ATP8A2: variants seen among roughly 807,000 people sequenced by gnomAD.
ATP8A2 encodes ATPase phospholipid transporting 8A2, also known as phospholipid-transporting ATPase IB.
A neutral mutation model predicts 165.6 loss-of-function variants in ATP8A2; 100 were observed. The observed-to-expected ratio is 0.60, with a 90% CI of 0.51 to 0.71. ATP8A2 has a LOEUF of 0.71. Among genes scored for constraint, ATP8A2 ranks in the 30% least tolerant of loss-of-function variants. ATP8A2 has a pLI of 0.00. For missense variants in ATP8A2, 1,227 were observed against 1,479.5 expected (o/e 0.83, Z 2.80); for synonymous variants, 543 against 548.8 (o/e 0.99, Z 0.15).
intron 27 of ATP8A2, among the ~76,000 whole-genome samples, chr13:25,827,139 T>C (rs777556696): frequency 6.6e-6 from 1 of 152,184 alleles, no homozygotes; most frequent in Non-Finnish European, 1.5e-5. Context: ...GATGAAATCT[T>C]GCTCTTGTCG....
intron 35 of ATP8A2, among the ~76,000 whole-genome samples, chr13:26,003,512 A>G (rs1201118816): frequency 1.3e-5 from 2 of 152,178 alleles, no homozygotes; most frequent in Admixed American, 6.5e-5. Flanking sequence ...TTTGCTGTGC[A>G]GAAGCTCTAT....
At chr13:25,755,553 A>C (rs1278458262) in intron 25 of ATP8A2, among the ~76,000 whole-genome samples, 1 of 152,230 alleles carries the variant, frequency 6.6e-6, no homozygotes, top group Admixed American at 6.5e-5. Flanking sequence ...TGTGTTATTC[A>C]TATTCAGTGA....
At chr13:25,844,465 G>A (rs1407494068) in intron 30 of ATP8A2, among the ~76,000 whole-genome samples, 1 of 152,042 alleles carries the variant, frequency 6.6e-6, no homozygotes, top group African/African-American at 2.4e-5. Context: ...TCCTGACCTC[G>A]TGATCTGCCC....
At chr13:25,629,742 T>A (rs2041191378) in intron 24 of ATP8A2, among the ~76,000 whole-genome samples, 1 of 152,302 alleles carries the variant, frequency 6.6e-6, no homozygotes, top group East Asian at 1.9e-4. Flanking sequence ...TTTTACTGTG[T>A]TAGATCAGCG....
chr13:25,684,165 C>T (rs971876644), intron 24 of ATP8A2, among the ~76,000 whole-genome samples: 2 of 152,192 alleles, frequency 1.3e-5, no homozygotes, highest in African/African-American at 4.8e-5. Flanking sequence ...TGACGTTGAT[C>T]TTATTGACTG....
intron 24 of ATP8A2, among the ~76,000 whole-genome samples, chr13:25,652,690 C>T (rs1396631584): frequency 2.0e-5 from 3 of 152,130 alleles, no homozygotes; most frequent in African/African-American, 4.8e-5. Flanking sequence ...GTGAGAAATA[C>T]GTAATTTCCT....
At chr13:25,767,760 T>A (rs2044521718) in intron 25 of ATP8A2, among the ~76,000 whole-genome samples, 1 of 152,234 alleles carries the variant, frequency 6.6e-6, no homozygotes, top group African/African-American at 2.4e-5. Context: ...ATTATGTTTT[T>A]CTAACTTTCT....
chr13:25,586,235 G>A (rs943768451), intron 23 of ATP8A2, among the ~76,000 whole-genome samples: 1 of 152,200 alleles, frequency 6.6e-6, no homozygotes, highest in African/African-American at 2.4e-5. Context: ...TTTCTCAGAA[G>A]GAACAATATG....
intron 25 of ATP8A2, among the ~76,000 whole-genome samples, chr13:25,709,943 A>G (rs1593231860): frequency 1.3e-5 from 2 of 152,264 alleles, no homozygotes; most frequent in East Asian, 1.9e-4. Flanking sequence ...CTGTGGTCAT[A>G]TTTGTGTTTC....
chr13:25,830,871 C>T (rs1297525989), intron 28 of ATP8A2, among the ~76,000 whole-genome samples: 2 of 152,198 alleles, frequency 1.3e-5, no homozygotes, highest in Non-Finnish European at 2.9e-5. Context: ...GTAGCAAGAG[C>T]TTCCTCTTAT....
Position 25,885,850 on chromosome 13 carries a change from C to T in ATP8A2, c.3183+23442C>T, listed in dbSNP as rs552902763. 3.3e-5 allele frequency among the ~76,000 whole-genome samples: 5 copies of T among 152,336 alleles called. No individual in the cohort carries two copies. In the South Asian group the frequency reaches 8.3e-4, roughly 25 times the overall value. On this transcript the variant is annotated intron_variant, in intron 33 of 36. Coordinates refer to ENST00000381655, the MANE Select transcript of ATP8A2 (RefSeq NM_016529.6). ...TTTATTTATCTAGACTCACACGATTCTCTCTTGCCCTGGGTAATCCACTAT... is the reference window on the plus strand; with the variant it reads ...TTTATTTATCTAGACTCACACGATTTTCTCTTGCCCTGGGTAATCCACTAT...
intron 35 of ATP8A2, among the ~76,000 whole-genome samples, chr13:26,011,718 G>A (rs1191031078): frequency 1.3e-5 from 2 of 152,166 alleles, no homozygotes; most frequent in African/African-American, 2.4e-5. Context: ...AGGATCACTT[G>A]AAGCCAGGAG....
chr13:25,557,710 T>G lies in ATP8A2; in HGVS notation c.1264-1263T>G, dbSNP rs189087254. On this transcript the variant is annotated intron_variant, in intron 13 of 36. Transcript: ENST00000381655. ...TAATTGTTTGCAGGTGTCATTGAAC[T>G]GGACCTGAATAATTTAAGGATTGAA... Among the ~76,000 whole-genome samples the G allele has an allele frequency of 6.6e-5, 10 of 152,280 alleles. 1 individual carries two copies. Among genetic ancestry groups the G allele is most frequent in the Admixed American group, 2.6e-4 (4 of 15,298 alleles).
At chr13:25,778,670 G>A (rs980596760) in intron 27 of ATP8A2, among the ~76,000 whole-genome samples, 2 of 152,170 alleles carry the variant, frequency 1.3e-5, no homozygotes, top group African/African-American at 4.8e-5. Context: ...CAATGAAAGA[G>A]TGATGAATGC....
intron 24 of ATP8A2, among the ~76,000 whole-genome samples, chr13:25,653,751 G>A (rs2041866916): frequency 1.3e-5 from 2 of 152,166 alleles, no homozygotes; most frequent in Admixed American, 1.3e-4. Context: ...TTGGCAATGT[G>A]GAGATTGTGG....
rs561617006 is a variant in ATP8A2, at chr13:25,420,003, T to C, written c.76+47715T>C. On this transcript the variant is annotated intron_variant, in intron 1 of 36. Transcript: ENST00000381655. ...TTCTAGAAAGGAATACGATACATAC[T>C]TCAAGGAAAAATGTATGTACTGATG... Among the ~76,000 whole-genome samples the C allele has an allele frequency of 7.9e-5, 12 of 152,294 alleles. No individual in the cohort carries two copies. In the South Asian group the frequency reaches 2.5e-3, roughly 32 times the overall value.
intron 13 of ATP8A2, among the ~76,000 whole-genome samples, chr13:25,557,336 G>A (rs61948629): frequency 0.038 from 5,804 of 152,110 alleles, 138 homozygotes; most frequent in Non-Finnish European, 0.051. Flanking sequence ...CTTGGACCTT[G>A]GGCTGTCAAT....
chr13:25,700,080 A>G (rs1593218235), intron 25 of ATP8A2, among the ~76,000 whole-genome samples: 2 of 152,308 alleles, frequency 1.3e-5, no homozygotes, highest in African/African-American at 4.8e-5. Flanking sequence ...TTCAGGGACC[A>G]TGGGGATGAG....
chr13:25,876,716 T>G (rs1298388941), intron 33 of ATP8A2, among the ~76,000 whole-genome samples: 1 of 152,208 alleles, frequency 6.6e-6, no homozygotes, highest in Admixed American at 6.5e-5. Context: ...TGAATTTTAT[T>G]TTGTGCTCTT....
Sources: gnomAD v4.1 joint callset for allele counts (sites outside exome capture counted in the v4.1 genomes callset) on GRCh38, gnomAD v4.1.1 for gene constraint, MANE v1.5 for transcripts, NCBI Gene and HGNC (gene_info 2026-07-23, HGNC 2026-07-21) for gene names.